Variants in ERC2 observed in about 807,000 individuals in gnomAD.
The protein encoded by ERC2 is ELKS/RAB6-interacting/CAST family member 2.
In ERC2, 42 loss-of-function variants were observed where a neutral mutation model predicts 114.8. The observed-to-expected ratio is 0.37, with a 90% CI of 0.29 to 0.47. ERC2 has a LOEUF of 0.47. Among genes scored for constraint, ERC2 ranks in the 20% least tolerant of loss-of-function variants. The pLI is 0.99. For missense variants in ERC2, 939 were observed against 1,150.7 expected, an observed-to-expected ratio of 0.82 and a Z score of 2.66; for synonymous variants, 454 against 425.5, an observed-to-expected ratio of 1.07 and a Z score of -0.82.
intron 17 of ERC2, among the ~76,000 whole-genome samples, chr3:55,568,213 GC>G (rs1384438323): frequency 1.3e-5 from 2 of 152,148 alleles, no homozygotes; most frequent in African/African-American, 4.8e-5. Context: ...CCAGGAGGTT[GC>G]CCTCTGAATT....
chr3:55,868,622 T>C (rs1161653665), intron 14 of ERC2, among the ~76,000 whole-genome samples: 1 of 152,162 alleles, frequency 6.6e-6, no homozygotes, highest in Non-Finnish European at 1.5e-5. Context: ...TGCTGCTCAG[T>C]AAAAACACCA....
chr3:56,243,872 A>G (rs1482685840), intron 3 of ERC2, among the ~76,000 whole-genome samples: 1 of 152,138 alleles, frequency 6.6e-6, no homozygotes, highest in Non-Finnish European at 1.5e-5. Flanking sequence ...GCAGAAAAAA[A>G]CTACTTCCCA....
intron 14 of ERC2, among the ~76,000 whole-genome samples, chr3:55,768,245 C>T (rs560257570): frequency 1.3e-4 from 20 of 152,154 alleles, no homozygotes; most frequent in Non-Finnish European, 2.8e-4. Flanking sequence ...TGGACTAATA[C>T]AGATGGAAAG....
intron 2 of ERC2, among the ~76,000 whole-genome samples, chr3:56,310,883 TA>T (rs993926347): frequency 5.9e-4 from 85 of 145,224 alleles, no homozygotes; most frequent in East Asian, 1.4e-3. Context: ...TCCCTAAACT[TA>T]AAAAAAAAAA....
At chr3:56,190,261 G>A (rs907753513) in intron 3 of ERC2, among the ~76,000 whole-genome samples, 27 of 152,190 alleles carry the variant, frequency 1.8e-4, no homozygotes, top group African/African-American at 6.5e-4. Context: ...CCAACAAGCT[G>A]TGAAACCTTG....
At chr3:55,832,699 G>A (rs767891660) in intron 14 of ERC2, among the ~76,000 whole-genome samples, 9 of 152,312 alleles carry the variant, frequency 5.9e-5, no homozygotes, top group East Asian at 1.9e-4. Context: ...AAAGCAGAGC[G>A]CCTCTCCTCC....
rs866734842 is a variant in ERC2 at position 56,266,002 on chromosome 3, C to T, written c.1074+30017G>A. ...TGAGATCATGCCACTGCACTTCAGC[C>T]TGGGTGACAGAGTGAGAATCCGACC... is the stretch of plus-strand genomic sequence containing the variant. On this transcript the variant is annotated intron_variant, in intron 3 of 17. Coordinates refer to ENST00000288221, the MANE Select transcript of ERC2 (RefSeq NM_015576.3). Among the ~76,000 whole-genome samples the T allele has an allele frequency of 2.7e-5, 4 of 147,024 alleles. No individual in the cohort carries two copies. In the Admixed American group the frequency reaches 2.7e-4, roughly 10 times the overall value.
intron 14 of ERC2, among the ~76,000 whole-genome samples, chr3:55,765,790 C>T (rs73076916): frequency 0.19 from 29,202 of 152,182 alleles, 3,417 homozygotes; most frequent in East Asian, 0.28. Flanking sequence ...ACGTCTGTAA[C>T]GTCTCTATTC....
chr3:55,984,356 T>C (rs773526952), intron 12 of ERC2, among the ~76,000 whole-genome samples: 14 of 151,686 alleles, frequency 9.2e-5, no homozygotes, highest in Non-Finnish European at 1.8e-4. Flanking sequence ...CAGTAGTGTA[T>C]AGGTAAAAAA....
At chr3:55,953,025 C>G (rs2067691072) in intron 12 of ERC2, among the ~76,000 whole-genome samples, 1 of 151,930 alleles carries the variant, frequency 6.6e-6, no homozygotes, top group Non-Finnish European at 1.5e-5. Flanking sequence ...AACCCCATCT[C>G]TACTAAAAAT....
At chr3:56,333,840 A>G (rs2057739123) in intron 2 of ERC2, among the ~76,000 whole-genome samples, 1 of 152,198 alleles carries the variant, frequency 6.6e-6, no homozygotes, top group South Asian at 2.1e-4. Flanking sequence ...AAACACAACA[A>G]AACAGAAAAT....
At chr3:56,233,020 GCAACTAAATA>G (rs1293723763) in intron 3 of ERC2, among the ~76,000 whole-genome samples, 1 of 152,170 alleles carries the variant, frequency 6.6e-6, no homozygotes, top group African/African-American at 2.4e-5. Context: ...CACCACGTAT[GCAACTAAATA>G]CAACTAAATA....
At chr3:56,390,770 G>A (rs1359582829) in intron 2 of ERC2, among the ~76,000 whole-genome samples, 1 of 152,032 alleles carries the variant, frequency 6.6e-6, no homozygotes, top group Non-Finnish European at 1.5e-5. Context: ...CCTAATGAAG[G>A]GGTTGGATTA....
At chr3:55,984,585 C>T (rs1028604791) in intron 12 of ERC2, among the ~76,000 whole-genome samples, 1 of 152,116 alleles carries the variant, frequency 6.6e-6, no homozygotes, top group African/African-American at 2.4e-5. Context: ...CCCCATCCCA[C>T]CCTTCCCTAC....
chr3:55,978,015 T>C (rs572667752), intron 12 of ERC2, among the ~76,000 whole-genome samples: 104 of 152,340 alleles, frequency 6.8e-4, no homozygotes, highest in African/African-American at 2.4e-3. Context: ...GATCTGCTTC[T>C]GTCTCTCACG....
intron 3 of ERC2, among the ~76,000 whole-genome samples, chr3:56,270,788 T>G (rs573180663): frequency 2.0e-4 from 30 of 152,126 alleles, no homozygotes; most frequent in East Asian, 9.7e-4. Flanking sequence ...GACCATCCTG[T>G]CTAACACAGT....
At chr3:55,977,323 C>T (rs1023809146) in intron 12 of ERC2, among the ~76,000 whole-genome samples, 3 of 151,844 alleles carry the variant, frequency 2.0e-5, no homozygotes, top group Non-Finnish European at 4.4e-5. Flanking sequence ...GTAAAGAAAA[C>T]CTGCATAACA....
chr3:56,279,598 T>C (rs1332803006), intron 3 of ERC2, among the ~76,000 whole-genome samples: 1 of 152,084 alleles, frequency 6.6e-6, no homozygotes, highest in Non-Finnish European at 1.5e-5. Context: ...AAAGGAAAAG[T>C]AGGTGATAAG....
intron 6 of ERC2, among the ~76,000 whole-genome samples, chr3:56,084,459 T>C (rs887696720): frequency 3.3e-5 from 5 of 152,332 alleles, no homozygotes; most frequent in Non-Finnish European, 5.9e-5. Flanking sequence ...TCAACCTATG[T>C]GCCTGTCAAA....
Sources: allele counts gnomAD v4.1 joint callset (sites outside exome capture counted in the v4.1 genomes callset), GRCh38; gene constraint gnomAD v4.1.1; transcripts MANE v1.5; gene names NCBI Gene and HGNC (gene_info 2026-07-23, HGNC 2026-07-21).